Variants in VPS35L observed in about 807,000 individuals in gnomAD.
VPS35L encodes VPS35 endosomal protein sorting factor like.
A neutral mutation model predicts 133.0 loss-of-function variants in VPS35L; 83 were observed. The ratio of observed to expected loss-of-function variants is 0.62; its 90% CI spans 0.52 to 0.75. VPS35L has a LOEUF of 0.75. Among genes scored for constraint, VPS35L ranks in the 30% least tolerant of loss-of-function variants. The pLI, the probability that VPS35L is intolerant of heterozygous loss-of-function variation, is 0.00. For missense variants in VPS35L, 1,083 were observed against 1,206.8 expected (o/e 0.90, Z 1.52); for synonymous variants, 423 against 449.9 (o/e 0.94, Z 0.76).
intron 12 of VPS35L, 21 bp from the exon 13 acceptor site, chr16:19,616,093 T>C (rs201165968): frequency 6.9e-6 from 11 of 1,604,098 alleles, no homozygotes; most frequent in Non-Finnish European, 7.7e-6. Flanking sequence ...GCAACCAGTT[T>C]TTCCATTTGT....
At chr16:19,614,686 C>T (rs761044867) in intron 12 of VPS35L, among the ~76,000 whole-genome samples, 3 of 152,244 alleles carry the variant, frequency 2.0e-5, no homozygotes, top group Non-Finnish European at 2.9e-5. Context: ...GCTGGGATTA[C>T]AGGTGTGAGC....
chr16:19,560,206 T>C (rs1210860635), intron 1 of VPS35L, among the ~76,000 whole-genome samples: 1 of 152,202 alleles, frequency 6.6e-6, no homozygotes, highest in African/African-American at 2.4e-5. Context: ...AGCTTCTTCA[T>C]CTGAAAAATC....
chr16:19,614,751 G>A (rs116101652), intron 12 of VPS35L, among the ~76,000 whole-genome samples: 1,968 of 152,264 alleles, frequency 0.013, 60 homozygotes, highest in African/African-American at 0.045. Flanking sequence ...ATTTGGAAAC[G>A]AAGCATTTCT....
intron 18 of VPS35L, among the ~76,000 whole-genome samples, chr16:19,631,577 T>C (rs1597378369): frequency 6.6e-6 from 1 of 152,340 alleles, no homozygotes; most frequent in Non-Finnish European, 1.5e-5. Flanking sequence ...GAATTATCAA[T>C]TTATGACAGA....
rs1235816608 is a variant in VPS35L, at chr16:19,642,311, T to C, written c.1785-85T>C. On this transcript the variant is annotated intron_variant, in intron 21 of 30. Transcript: ENST00000417362. Reference sequence around the variant, plus strand: ...GCTGGATAATTTGCTGCTTTTCAAGTGTGTACAGTGGATGAAAACTGAATC... The same window carrying C: ...GCTGGATAATTTGCTGCTTTTCAAGCGTGTACAGTGGATGAAAACTGAATC... The C allele has an allele frequency of 4.3e-6, 5 of 1,150,726 alleles. No individual in the cohort carries two copies. In the African/African-American group the frequency reaches 6.1e-5, roughly 14 times the overall value. 71.3% of individuals were successfully genotyped at this position (1,150,726 alleles called of 1,614,324 possible). A position where few individuals can be genotyped will look rare whatever the true frequency, so the allele number is the denominator to read the frequency against.
Position 19,616,136 on chromosome 16 carries a change from A to T in VPS35L, c.1046A>T (p.His349Leu). Reference protein sequence around the residue: ...LCRVGMEVAPHLKETLNKNFF... With the variant: ...LCRVGMEVAPLLKETLNKNFF... ...CAGGTGGGAATGGAAGTGGCCCCAC[A>T]TCTCAAAGAAACCCTAAATAAGAAC... The change falls in exon 13 of 31, where the codon CAT becomes CTT. Residue 349 changes from histidine (H) to leucine (L), a missense_variant. Physicochemically the swap from His to Leu is moderately conservative, Grantham distance 99. Transcript: ENST00000417362. 2 of 1,613,744 alleles carry T rather than the reference A, an allele frequency of 1.2e-6. No homozygotes were observed. The highest frequency in any genetic ancestry group is 3.3e-4 in the Middle Eastern group (2 of 6,062).
Position 19,699,673 on chromosome 16 carries a change from GTA to G in VPS35L, c.2793+28_2793+29del, listed in dbSNP as rs1448840643. ...GGTGAGGCGCTCGGAGGGCCCCGTG[GTA>G]TAAGCCCACTGGCCAGTGCACAACC... is the stretch of plus-strand genomic sequence containing the variant. On this transcript the variant is annotated intron_variant, in intron 30 of 30. Coordinates refer to ENST00000417362, the MANE Select transcript of VPS35L (RefSeq NM_020314.7). The surrounding 1 kb of genome is among the most constrained non-coding windows in gnomAD (Gnocchi z 4.2). 6.2e-7 allele frequency: 1 copy of G among 1,610,568 alleles called. No homozygotes were observed. The highest frequency in any genetic ancestry group is 1.7e-5 in the Admixed American group (1 of 60,016).
chr16:19,587,096 A>AAGAGAG (rs58638665), intron 7 of VPS35L, among the ~76,000 whole-genome samples: 3 of 139,312 alleles, frequency 2.2e-5, no homozygotes, highest in Admixed American at 1.6e-4. Flanking sequence ...AGGAGAGAGA[A>AAGAGAG]AGAGAGAGAG....
chr16:19,602,194 C>G (rs1339968902), intron 9 of VPS35L, among the ~76,000 whole-genome samples: 2 of 152,116 alleles, frequency 1.3e-5, no homozygotes, highest in Non-Finnish European at 2.9e-5. Context: ...TTTAAATTCC[C>G]AGGAGGTTAT....
chr16:19,652,394 TCCTGGGCTCAAATGTTCCTGCTTCCCA>T (rs933902150), intron 26 of VPS35L: 14 of 228,224 alleles, frequency 6.1e-5, no homozygotes, highest in East Asian at 4.8e-4. Context: ...TGTCTTGAAC[TCCTGGGCTCAAATGTTCCTGCTTCCCA>T]CCTGGGCTCA....
intron 14 of VPS35L, among the ~76,000 whole-genome samples, chr16:19,618,599 G>T (rs780005931): frequency 1.3e-5 from 2 of 152,216 alleles, no homozygotes; most frequent in Non-Finnish European, 2.9e-5. Flanking sequence ...GTGGGCTCTG[G>T]AGTCGGGGTG....
In VPS35L at chr16:19,610,483, G is replaced by T; in HGVS notation, c.1023+68G>T. 4.0e-6 allele frequency: 5 copies of T among 1,254,964 alleles called. No individual in the cohort carries two copies. In the South Asian group the frequency reaches 5.4e-5, roughly 14 times the overall value. 77.7% of individuals were successfully genotyped at this position (1,254,964 alleles called of 1,614,324 possible). A position where few individuals can be genotyped will look rare whatever the true frequency, so the allele number is the denominator to read the frequency against. On this transcript the variant is annotated intron_variant, in intron 12 of 30. Coordinates refer to ENST00000417362, the MANE Select transcript of VPS35L (RefSeq NM_020314.7). ...CCGTCTCCTTGAATGTTCACACAGG[G>T]CCCTCCTTCCCCACCACCCCGCAAG...
At chr16:19,677,675 A>T (rs1975111564) in intron 27 of VPS35L, among the ~76,000 whole-genome samples, 2 of 152,184 alleles carry the variant, frequency 1.3e-5, no homozygotes, top group Admixed American at 1.3e-4. Context: ...GCTGCTGGTG[A>T]GACAGACAGG....
Position 19,627,706 on chromosome 16 carries a change from G to A in VPS35L, c.1284G>A (p.Leu428=), listed in dbSNP as rs1173535160. The A allele has an allele frequency of 1.2e-6, 2 of 1,613,440 alleles. No homozygotes were observed. The highest frequency in any genetic ancestry group is 1.6e-4 in the Middle Eastern group (1 of 6,084). ...CTGTGTCTTGCAGTGCCTTGCTGTT[G>A]AATTCTGTGATGTCTGCCTTCCGGG... ...CKKLGNNALL[L]NSVMSAFRAE... The change falls in exon 16 of 31, where the codon TTG becomes TTA. Residue 428 remains leucine (L), a synonymous_variant. Coordinates refer to ENST00000417362, the MANE Select transcript of VPS35L (RefSeq NM_020314.7).
chr16:19,579,424 G>A (rs370237438), intron 6 of VPS35L: 7 of 252,300 alleles, frequency 2.8e-5, no homozygotes, highest in African/African-American at 8.8e-5. Context: ...GGCCAGGCGC[G>A]GTGGCTCACG....
At chr16:19,700,327 C>G in intron 30 of VPS35L, 51 bp from the exon 31 acceptor site, 2 of 1,483,142 alleles carry the variant, frequency 1.3e-6, no homozygotes, top group Non-Finnish European at 1.9e-6. Context: ...GAGCCTTGGG[C>G]TCCAAGGATA....
chr16:19,625,141 A>C (rs960698945), intron 14 of VPS35L, among the ~76,000 whole-genome samples: 3 of 152,054 alleles, frequency 2.0e-5, no homozygotes, highest in African/African-American at 7.2e-5. Flanking sequence ...GTTGGAGAAG[A>C]AATGTATTGA....
intron 9 of VPS35L, among the ~76,000 whole-genome samples, chr16:19,606,928 G>T (rs1298267489): frequency 1.3e-5 from 2 of 152,152 alleles, no homozygotes; most frequent in Non-Finnish European, 2.9e-5. Flanking sequence ...GGGGCTACAG[G>T]CATGAGCCAC....
intron 14 of VPS35L, among the ~76,000 whole-genome samples, chr16:19,624,322 C>T (rs932411179): frequency 2.0e-5 from 3 of 151,670 alleles, no homozygotes; most frequent in South Asian, 4.2e-4. Context: ...GTGGCTCACT[C>T]CTGTAATCCC....
Sources: allele counts gnomAD v4.1 joint callset (sites outside exome capture counted in the v4.1 genomes callset), GRCh38; gene constraint gnomAD v4.1.1; non-coding constraint Gnocchi (gnomAD v3.1); transcripts MANE v1.5; gene names NCBI Gene and HGNC (gene_info 2026-07-23, HGNC 2026-07-21).